PHKB: variants seen among roughly 807,000 people sequenced by gnomAD.
The protein encoded by PHKB is phosphorylase b kinase regulatory subunit beta.
A neutral mutation model predicts 152.1 loss-of-function variants in PHKB; 122 were observed. The ratio of observed to expected loss-of-function variants is 0.80; its 90% CI spans 0.69 to 0.93. The LOEUF is 0.93. Among genes scored for constraint, PHKB ranks in the 40% least tolerant of loss-of-function variants. The pLI, the probability that PHKB is intolerant of heterozygous loss-of-function variation, is 0.00. For missense variants in PHKB, 1,304 were observed against 1,328.4 expected, an observed-to-expected ratio of 0.98 and a Z score of 0.29; for synonymous variants, 436 against 464.9, an observed-to-expected ratio of 0.94 and a Z score of 0.80.
chr16:47,684,965 T>C (rs1015786592), intron 26 of PHKB, among the ~76,000 whole-genome samples: 1 of 152,196 alleles, frequency 6.6e-6, no homozygotes, highest in Non-Finnish European at 1.5e-5. Flanking sequence ...TGTTGGCGAG[T>C]AGAGCATCTC....
intron 4 of PHKB, among the ~76,000 whole-genome samples, chr16:47,511,460 T>C (rs1294127061): frequency 6.6e-6 from 1 of 152,234 alleles, no homozygotes; most frequent in African/African-American, 2.4e-5. Context: ...ATGTGAAATA[T>C]CAATTGAGAA....
intron 6 of PHKB, among the ~76,000 whole-genome samples, chr16:47,535,549 A>G (rs1414935108): frequency 6.6e-6 from 1 of 152,206 alleles, no homozygotes; most frequent in Non-Finnish European, 1.5e-5. Flanking sequence ...TTTTAGTAAC[A>G]TATGGAGAGA....
intron 6 of PHKB, among the ~76,000 whole-genome samples, chr16:47,539,089 AG>A (rs923075548): frequency 1.4e-4 from 21 of 152,202 alleles, no homozygotes; most frequent in Admixed American, 8.5e-4. Flanking sequence ...ATTAAAATAA[AG>A]GAACGTTATT....
intron 10 of PHKB, among the ~76,000 whole-genome samples, chr16:47,592,105 C>T (rs1488734874): frequency 1.3e-5 from 2 of 152,144 alleles, no homozygotes; most frequent in Admixed American, 6.5e-5. Flanking sequence ...AATTATTTGG[C>T]CACAATGTCA....
chr16:47,500,054 CT>C (rs56912954), intron 3 of PHKB, among the ~76,000 whole-genome samples, 160 bp downstream of exon 3: 156 of 147,114 alleles, frequency 1.1e-3, no homozygotes, highest in African/African-American at 3.1e-3. Flanking sequence ...TTTTCATTTT[CT>C]TTTTTTTTTT....
At chr16:47,618,761 A>T (rs1293744352) in intron 14 of PHKB, among the ~76,000 whole-genome samples, 2 of 152,222 alleles carry the variant, frequency 1.3e-5, no homozygotes, top group Non-Finnish European at 2.9e-5. Context: ...AAAATAAATT[A>T]TACAAAATAC....
intron 1 of PHKB, among the ~76,000 whole-genome samples, chr16:47,469,386 G>C (rs1180013740): frequency 2.6e-5 from 4 of 152,198 alleles, no homozygotes; most frequent in African/African-American, 9.7e-5. Context: ...TAAAGAAAAT[G>C]TGGTACATAT....
At chr16:47,566,081 A>G (rs1444335337) in intron 7 of PHKB, 2 of 659,746 alleles carry the variant, frequency 3.0e-6, no homozygotes, top group East Asian at 2.6e-5. Flanking sequence ...CTTTTTTGCC[A>G]TTGCCTATCT....
intron 27 of PHKB, among the ~76,000 whole-genome samples, chr16:47,692,186 G>A (rs888790731): frequency 6.6e-5 from 10 of 152,244 alleles, no homozygotes; most frequent in South Asian, 4.1e-4. Flanking sequence ...TTTCTCCAGC[G>A]CAAACGTGTC....
chr16:47,618,127 T>A (rs773689006), intron 14 of PHKB, among the ~76,000 whole-genome samples: 1 of 152,272 alleles, frequency 6.6e-6, no homozygotes, highest in African/African-American at 2.4e-5. Flanking sequence ...TGCAGCACTT[T>A]GGTGATACTC....
At chr16:47,593,200 A>C (rs1476083657) in intron 10 of PHKB, among the ~76,000 whole-genome samples, 1 of 136,580 alleles carries the variant, frequency 7.3e-6, no homozygotes, top group Non-Finnish European at 1.6e-5. Context: ...GGAGAGAGAG[A>C]GAGAGGGAGA....
chr16:47,469,225 C>T (rs1467653451), intron 1 of PHKB, among the ~76,000 whole-genome samples: 1 of 152,182 alleles, frequency 6.6e-6, no homozygotes, highest in African/African-American at 2.4e-5. Context: ...GACTGTCCTG[C>T]TTCTTTTGAG....
At chr16:47,500,770 A>G (rs749533328) in intron 3 of PHKB, among the ~76,000 whole-genome samples, 1 of 152,208 alleles carries the variant, frequency 6.6e-6, no homozygotes, top group African/African-American at 2.4e-5. Context: ...TGTAGAAAGC[A>G]CTGAATGTGG....
At chr16:47,699,016 A>G in intron 30 of PHKB, 1 of 583,756 alleles carries the variant, frequency 1.7e-6, no homozygotes, top group South Asian at 2.0e-5. Flanking sequence ...CTCTAAGTAA[A>G]TAAAAATTAT....
intron 28 of PHKB, among the ~76,000 whole-genome samples, chr16:47,696,067 A>G (rs1360282709): frequency 1.3e-5 from 2 of 152,218 alleles, no homozygotes; most frequent in Non-Finnish European, 2.9e-5. Flanking sequence ...TGAAAGCAAT[A>G]TGTACACTAT....
intron 6 of PHKB, 28 bp from the exon 7 acceptor site, chr16:47,547,405 C>A: frequency 7.3e-7 from 1 of 1,369,994 alleles, no homozygotes; most frequent in South Asian, 1.2e-5. Flanking sequence ...TTGAGTATGT[C>A]CTTATGTTTC....
At chr16:47,510,596 A>G (rs967424618) in intron 4 of PHKB, among the ~76,000 whole-genome samples, 5 of 152,242 alleles carry the variant, frequency 3.3e-5, no homozygotes, top group African/African-American at 1.2e-4. Context: ...ACAGCTAGTA[A>G]AAGTATAAAA....
intron 20 of PHKB, among the ~76,000 whole-genome samples, chr16:47,660,118 C>A (rs1003469367): frequency 1.3e-5 from 2 of 152,128 alleles, no homozygotes; most frequent in Admixed American, 6.5e-5. Context: ...CGCCTTGACA[C>A]CCCAAAGTGC....
At chr16:47,659,785 C>A (rs1973405230) in intron 20 of PHKB, among the ~76,000 whole-genome samples, 1 of 152,186 alleles carries the variant, frequency 6.6e-6, no homozygotes, top group Admixed American at 6.6e-5. Context: ...TAGCAGAATC[C>A]ACAGTGCAAT....
Sources: gnomAD v4.1 joint callset for allele counts (sites outside exome capture counted in the v4.1 genomes callset) on GRCh38, gnomAD v4.1.1 for gene constraint, MANE v1.5 for transcripts, NCBI Gene and HGNC (gene_info 2026-07-23, HGNC 2026-07-21) for gene names.